The following GIT2 variants were observed in gnomAD, a reference collection of about 807,000 sequenced individuals.
GIT2 encodes the protein GIT ArfGAP 2, also known as ARF GTPase-activating protein GIT2.
A neutral mutation model predicts 100.3 loss-of-function variants in GIT2; 32 were observed. The ratio of observed to expected loss-of-function variants is 0.32; its 90% confidence interval spans 0.24 to 0.43. GIT2 has a LOEUF of 0.43. Among genes scored for constraint, GIT2 ranks in the 20% least tolerant of loss-of-function variants. The probability of loss-of-function intolerance (pLI) is 1.00; values close to 1 mark genes in which losing one functional copy is unlikely to be tolerated. For synonymous variants in GIT2, 353 were observed against 364.1 expected (o/e 0.97, Z 0.35); for missense variants, 737 against 975.1 (o/e 0.76, Z 3.25).
At chr12:109,944,825 TAA>T (rs200126475) in intron 16 of GIT2, among the ~76,000 whole-genome samples, 67 of 133,984 alleles carry the variant, frequency 5.0e-4, no homozygotes, top group Non-Finnish European at 5.4e-4. Flanking sequence ...TGTCACAGGT[TAA>T]AAAAAAAAAA....
chr12:109,957,727 C>G (rs370676729), intron 12 of GIT2, among the ~76,000 whole-genome samples: 2 of 151,918 alleles, frequency 1.3e-5, no homozygotes, highest in African/African-American at 4.8e-5. Context: ...AGGATGGTCT[C>G]GATCTCCTGA....
chr12:109,981,253 C>A, intron 6 of GIT2: 1 of 475,622 alleles, frequency 2.1e-6, no homozygotes, highest in Non-Finnish European at 3.8e-6. Context: ...TATCGCCTTT[C>A]CTTTATTAAG....
intron 8 of GIT2, among the ~76,000 whole-genome samples, chr12:109,966,738 C>T (rs1356612548): frequency 2.0e-5 from 3 of 152,032 alleles, no homozygotes; most frequent in Non-Finnish European, 4.4e-5. Flanking sequence ...AGCAGTTAGT[C>T]ATTTCATAAA....
intron 12 of GIT2, 122 bp from the exon 13 acceptor site, chr12:109,953,356 T>C (rs1878454798): frequency 2.2e-6 from 2 of 905,090 alleles, no homozygotes; most frequent in African/African-American, 1.7e-5. Context: ...TGCTGTGCTC[T>C]TGCCTGTAAT....
chr12:109,968,282 T>C (rs1451268393), intron 7 of GIT2, among the ~76,000 whole-genome samples: 1 of 152,208 alleles, frequency 6.6e-6, no homozygotes, highest in Non-Finnish European at 1.5e-5. Flanking sequence ...CTAATAGGTA[T>C]GCTGTGGCAT....
chr12:109,956,363 A>C (rs546092580), intron 12 of GIT2, among the ~76,000 whole-genome samples: 2 of 152,216 alleles, frequency 1.3e-5, no homozygotes, highest in African/African-American at 2.4e-5. Flanking sequence ...GAAATGACCA[A>C]TGAAAAGCAC....
chr12:109,938,577 A>G lies in GIT2; in HGVS notation c.1815-9T>C. 2 of 1,568,480 alleles carry G rather than the reference A, an allele frequency of 1.3e-6. No homozygotes were observed. Among genetic ancestry groups the G allele is most frequent in the Non-Finnish European group, 1.7e-6 (2 of 1,159,060 alleles). ...GTCCCTTTCGGCTTGACCTGTGAACATTAAAGATGCAGTTAAATACAGCAG... is the reference window on the plus strand; with the variant it reads ...GTCCCTTTCGGCTTGACCTGTGAACGTTAAAGATGCAGTTAAATACAGCAG... On this transcript the variant is annotated splice_polypyrimidine_tract_variant and intron_variant, in intron 17 of 19. Transcript: ENST00000355312.
chr12:109,986,290 A>C (rs1008535479), intron 4 of GIT2, among the ~76,000 whole-genome samples: 3 of 152,264 alleles, frequency 2.0e-5, no homozygotes, highest in African/African-American at 7.2e-5. Flanking sequence ...TTTTTTAAAA[A>C]ACTCTTAACA....
chr12:109,999,488 G>T, upstream of GIT2: 1 of 278,734 alleles, frequency 3.6e-6, no homozygotes, highest in Non-Finnish European at 6.6e-6. This position sits in a 1 kb window ranked among gnomAD's most constrained non-coding sequence, Gnocchi z 4.3. Context: ...CGGGGTGGGC[G>T]CGGCCGACCT....
upstream of GIT2, chr12:109,999,604 T>A: frequency 8.5e-7 from 1 of 1,176,634 alleles, no homozygotes; most frequent in Non-Finnish European, 1.2e-6. The surrounding 1 kb of genome is among the most constrained non-coding windows in gnomAD (Gnocchi z 4.3). Flanking sequence ...CTCGCCGGCC[T>A]CAGGGCAGGC....
At chr12:109,951,603 G>T (rs1032074315) in intron 13 of GIT2, among the ~76,000 whole-genome samples, 1 of 152,084 alleles carries the variant, frequency 6.6e-6, no homozygotes, top group Non-Finnish European at 1.5e-5. Flanking sequence ...CCTTTCTCTC[G>T]TTCACTCTTG....
chr12:109,935,500 C>T (rs1321143126), intron 18 of GIT2, among the ~76,000 whole-genome samples: 1 of 152,204 alleles, frequency 6.6e-6, no homozygotes, highest in Non-Finnish European at 1.5e-5. Flanking sequence ...CTCCCGGCTT[C>T]AAGCAATTCT....
chr12:109,941,893 C>T (rs566278234), intron 16 of GIT2, among the ~76,000 whole-genome samples: 1 of 151,476 alleles, frequency 6.6e-6, no homozygotes, highest in South Asian at 2.1e-4. Context: ...GGTACAATCT[C>T]GGCTCACTGC....
chr12:109,966,560 G>C (rs999767039), intron 8 of GIT2, among the ~76,000 whole-genome samples: 5 of 146,942 alleles, frequency 3.4e-5, no homozygotes, highest in African/African-American at 1.0e-4. Flanking sequence ...GCCAGATATA[G>C]TTGCTCATAG....
In GIT2 at chr12:109,983,445, T is replaced by A; in HGVS notation, c.551A>T (p.Glu184Val). ...GTCTGCTCCATATACTGCCAATAAT[T>A]CAGCCTGTAAAATCTGCCCTGCTTT... ...ASKAGQILQA[E>V]LLAVYGADPG... is the part of the protein sequence containing the mutation. The change falls in exon 6 of 20, where the codon GAA (glutamate) becomes GTA (valine). Residue 184 changes from glutamate to valine, a missense_variant. Physicochemically the swap from Glu to Val is moderately radical, Grantham distance 121 (BLOSUM62 -2). Coordinates refer to ENST00000355312, the MANE Select transcript of GIT2 (RefSeq NM_057169.5). 1 of 1,613,420 alleles carries A rather than the reference T, an allele frequency of 6.2e-7. No homozygotes were observed. Among genetic ancestry groups the A allele is most frequent in the Non-Finnish European group, 8.5e-7 (1 of 1,179,334 alleles).
intron 8 of GIT2, among the ~76,000 whole-genome samples, chr12:109,966,508 C>CAAAAAAAAAAAAAAAAAAAA (rs749586402): frequency 2.8e-5 from 2 of 70,216 alleles, no homozygotes; most frequent in African/African-American, 6.1e-5. Flanking sequence ...GACTCTGTCT[C>CAAAAAAAAAAAAAAAAAAAA]AAAAAAAAAA....
At chr12:109,999,921 C>A, upstream of GIT2, 1 of 670,800 alleles carries the variant, frequency 1.5e-6, no homozygotes, top group Non-Finnish European at 2.3e-6. The surrounding 1 kb of genome is among the most constrained non-coding windows in gnomAD (Gnocchi z 4.3). Flanking sequence ...GTGGGACAGT[C>A]CTAATAATAG....
chr12:109,958,587 C>A (rs1880214282), intron 12 of GIT2, among the ~76,000 whole-genome samples: 1 of 152,096 alleles, frequency 6.6e-6, no homozygotes. Context: ...GTCACTGTGC[C>A]TTCACCAAAA....
At position 109,950,599 on chromosome 12, in the gene GIT2, G is replaced by A. The variant is rs181885917; in HGVS notation, c.1392+568C>T. ...GAATGAGAAAATGCTGAGCAAATGAGATTGTTTTTTACCAGTGTGCAGCTC... is the reference window on the plus strand; with the variant it reads ...GAATGAGAAAATGCTGAGCAAATGAAATTGTTTTTTACCAGTGTGCAGCTC... On this transcript the variant is annotated intron_variant, in intron 14 of 19. Coordinates refer to ENST00000355312, the MANE Select transcript of GIT2 (RefSeq NM_057169.5). 1,524 of 152,698 alleles carry A rather than the reference G, an allele frequency of 1.0e-2. 92 individuals are homozygous for A. The highest frequency in any genetic ancestry group is 0.085 in the Admixed American group (1,309 of 15,338). The allele number at this position is 152,698 out of a possible 1,614,324, so 9.5% of individuals were successfully genotyped here. A position where few individuals can be genotyped will look rare whatever the true frequency, so the allele number is the denominator to read the frequency against.
Sources: allele counts gnomAD v4.1 joint callset (sites outside exome capture counted in the v4.1 genomes callset), GRCh38; gene constraint gnomAD v4.1.1; non-coding constraint Gnocchi (gnomAD v3.1); transcripts MANE v1.5; gene names NCBI Gene and HGNC (gene_info 2026-07-23, HGNC 2026-07-21).